GRID2: variants seen among roughly 807,000 people sequenced by gnomAD.
GRID2 encodes the protein glutamate ionotropic receptor delta type subunit 2.
Under a neutral mutation model 114.8 loss-of-function variants are expected in GRID2, and 33 were observed. The observed-to-expected ratio is 0.29, with a 90% CI of 0.22 to 0.38. The LOEUF (loss-of-function observed/expected upper bound fraction) is 0.38. Among genes scored for constraint, GRID2 ranks in the 10% least tolerant of loss-of-function variants. GRID2 has a pLI of 1.00. For synonymous variants in GRID2, 505 were observed against 449.9 expected, an observed-to-expected ratio of 1.12 and a Z score of -1.55; for missense variants, 1,184 against 1,257.7, an observed-to-expected ratio of 0.94 and a Z score of 0.89.
chr4:93,429,715 T>G (rs2149378137), intron 10 of GRID2, among the ~76,000 whole-genome samples: 1 of 152,256 alleles, frequency 6.6e-6, no homozygotes, highest in South Asian at 2.1e-4. Context: ...GACTAAATTA[T>G]AAATCTGTAA....
At chr4:92,562,297 TG>T (rs1290724426) in intron 1 of GRID2, among the ~76,000 whole-genome samples, 1 of 152,220 alleles carries the variant, frequency 6.6e-6, no homozygotes, top group East Asian at 1.9e-4. Flanking sequence ...AAAATTATTC[TG>T]ATTTTCCCCA....
chr4:93,023,093 TTGTGTGTGTGTGTG>T (rs370431407), intron 2 of GRID2, among the ~76,000 whole-genome samples: 8 of 143,934 alleles, frequency 5.6e-5, no homozygotes, highest in Admixed American at 2.1e-4. Context: ...CAGAGAACAT[TTGTGTGTGTGTGTG>T]TGTGTGTGTG....
chr4:93,562,243 A>G (rs4423845), intron 13 of GRID2, among the ~76,000 whole-genome samples: 123 of 151,664 alleles, frequency 8.1e-4, no homozygotes, highest in African/African-American at 2.6e-3. Flanking sequence ...GTGATAGCTC[A>G]TTATTGTTTT....
intron 13 of GRID2, among the ~76,000 whole-genome samples, chr4:93,624,869 G>GA (rs138505379): frequency 2.6e-5 from 4 of 151,688 alleles, no homozygotes; most frequent in East Asian, 3.9e-4. Context: ...TTACTGAGGG[G>GA]AAAAAAAATA....
intron 14 of GRID2, among the ~76,000 whole-genome samples, chr4:93,629,372 C>T (rs1342474672): frequency 3.9e-5 from 6 of 152,240 alleles, no homozygotes; most frequent in Non-Finnish European, 7.4e-5. Flanking sequence ...AAAAGGAGAG[C>T]CAGGAAAGAA....
At chr4:92,951,963 T>A (rs1752073610) in intron 2 of GRID2, among the ~76,000 whole-genome samples, 1 of 152,222 alleles carries the variant, frequency 6.6e-6, no homozygotes, top group Non-Finnish European at 1.5e-5. Flanking sequence ...TATTGATTGA[T>A]AGATAAGGCT....
At chr4:92,915,321 G>C (rs11940422) in intron 2 of GRID2, among the ~76,000 whole-genome samples, 1 of 152,108 alleles carries the variant, frequency 6.6e-6, no homozygotes, top group Admixed American at 6.6e-5. Context: ...AAAACATCTA[G>C]ATGTCTATGC....
chr4:92,671,493 T>C (rs1733069721), intron 2 of GRID2, among the ~76,000 whole-genome samples: 1 of 152,152 alleles, frequency 6.6e-6, no homozygotes, highest in East Asian at 1.9e-4. Flanking sequence ...CCTTCATTTT[T>C]TAAATCATGT....
rs1248763710 is a variant in GRID2, at chr4:93,708,159, TA to T, written c.2361-61050del. ...ACTGAAGAGAAGAATGTATATTCTTTAGCCATTGGATGAAATGTTCTTTGAA... is the reference window on the plus strand; with the variant it reads ...ACTGAAGAGAAGAATGTATATTCTTTGCCATTGGATGAAATGTTCTTTGAA... On this transcript the variant is annotated intron_variant, in intron 14 of 15. Coordinates refer to ENST00000282020, the MANE Select transcript of GRID2 (RefSeq NM_001510.4). Among the ~76,000 whole-genome samples the T allele has an allele frequency of 1.7e-4, 26 of 152,004 alleles. 1 individual carries two copies.
At chr4:93,535,800 C>G (rs1732004212) in intron 13 of GRID2, among the ~76,000 whole-genome samples, 2 of 151,882 alleles carry the variant, frequency 1.3e-5, no homozygotes, top group Admixed American at 1.3e-4. Context: ...GATATTAACC[C>G]TTCATCAGAT....
intron 2 of GRID2, among the ~76,000 whole-genome samples, chr4:92,638,837 A>T (rs1731205471): frequency 6.6e-6 from 1 of 151,008 alleles, no homozygotes; most frequent in South Asian, 2.1e-4. Context: ...GAAATATCTA[A>T]TATCCAAATT....
At chr4:92,578,032 G>A (rs1727980168) in intron 1 of GRID2, among the ~76,000 whole-genome samples, 1 of 147,046 alleles carries the variant, frequency 6.8e-6, no homozygotes, top group Admixed American at 6.7e-5. Context: ...AAAATTTTCT[G>A]AAACTTAGTT....
intron 2 of GRID2, among the ~76,000 whole-genome samples, chr4:92,977,740 A>C (rs925997233): frequency 2.6e-5 from 4 of 152,198 alleles, no homozygotes; most frequent in Admixed American, 2.6e-4. Context: ...GTTTGGATTT[A>C]AAATCAATAG....
At chr4:93,078,805 T>C (rs1003883305) in intron 2 of GRID2, among the ~76,000 whole-genome samples, 2 of 146,906 alleles carry the variant, frequency 1.4e-5, no homozygotes. Flanking sequence ...ATTATATTTA[T>C]GTACTATATA....
chr4:93,593,217 G>A (rs976029028), intron 13 of GRID2, among the ~76,000 whole-genome samples: 18 of 146,428 alleles, frequency 1.2e-4, no homozygotes, highest in East Asian at 7.8e-4. Context: ...CATGTTTAGC[G>A]CTTCCTTCAG....
chr4:92,901,336 C>A (rs1747569012), intron 2 of GRID2, among the ~76,000 whole-genome samples: 1 of 152,082 alleles, frequency 6.6e-6, no homozygotes, highest in African/African-American at 2.4e-5. Context: ...TGGTGCTGAG[C>A]AATTTTTCAT....
intron 2 of GRID2, among the ~76,000 whole-genome samples, chr4:92,938,065 T>C (rs976313761): frequency 2.0e-5 from 3 of 146,944 alleles, no homozygotes; most frequent in Non-Finnish European, 3.0e-5. Flanking sequence ...TAATGTTAGA[T>C]TTTTTTAAAT....
At chr4:92,823,653 C>A (rs944703933) in intron 2 of GRID2, among the ~76,000 whole-genome samples, 2 of 151,706 alleles carry the variant, frequency 1.3e-5, no homozygotes, top group African/African-American at 4.9e-5. Flanking sequence ...TAAAAAAAAT[C>A]TTACATCTTC....
chr4:93,367,484 T>A (rs922903749), intron 8 of GRID2, among the ~76,000 whole-genome samples: 1 of 152,156 alleles, frequency 6.6e-6, no homozygotes, highest in African/African-American at 2.4e-5. Context: ...AAATGAAACA[T>A]TATTGTGAAA....
Sources: gnomAD v4.1 joint callset for allele counts (sites outside exome capture counted in the v4.1 genomes callset) on GRCh38, gnomAD v4.1.1 for gene constraint, MANE v1.5 for transcripts, NCBI Gene and HGNC (gene_info 2026-07-23, HGNC 2026-07-21) for gene names.